CCDC148: variants seen among roughly 807,000 people sequenced by gnomAD.
CCDC148 encodes coiled-coil domain containing 148.
Under a neutral mutation model 85.7 loss-of-function variants are expected in CCDC148, and 89 were observed. That is an observed-to-expected ratio of 1.04 (90% confidence interval 0.87 to 1.24). The LOEUF is 1.24. CCDC148 is among the 50% of genes most tolerant of loss of function. The probability of loss-of-function intolerance (pLI) is 0.00; values close to 1 mark genes in which losing one functional copy is unlikely to be tolerated. For synonymous variants in CCDC148, 230 were observed against 213.9 expected, an observed-to-expected ratio of 1.08 and a Z score of -0.66; for missense variants, 692 against 671.7, an observed-to-expected ratio of 1.03 and a Z score of -0.33.
intron 11 of CCDC148, among the ~76,000 whole-genome samples, chr2:158,195,402 T>C (rs1339037193): frequency 3.9e-5 from 6 of 152,186 alleles, no homozygotes; most frequent in Non-Finnish European, 7.3e-5. Context: ...GCTTCAGTCA[T>C]ATACTTGGGA....
At chr2:158,203,297 A>T (rs1558978586) in intron 11 of CCDC148, among the ~76,000 whole-genome samples, 1 of 152,226 alleles carries the variant, frequency 6.6e-6, no homozygotes, top group Non-Finnish European at 1.5e-5. Flanking sequence ...TCTTATTTAA[A>T]TAAATGTATA....
chr2:158,435,723 A>T (rs1687615512), intron 1 of CCDC148, among the ~76,000 whole-genome samples: 1 of 152,232 alleles, frequency 6.6e-6, no homozygotes, highest in Non-Finnish European at 1.5e-5. Flanking sequence ...TGCTGTATTC[A>T]GGAGACCCAT....
chr2:158,322,070 C>T (rs756650910), intron 7 of CCDC148, among the ~76,000 whole-genome samples: 2 of 152,120 alleles, frequency 1.3e-5, no homozygotes, highest in Non-Finnish European at 2.9e-5. Context: ...ATTGTTTTTA[C>T]TTGTCTGGAA....
intron 7 of CCDC148, among the ~76,000 whole-genome samples, chr2:158,316,499 C>G (rs1214899935): frequency 6.6e-6 from 1 of 152,166 alleles, no homozygotes; most frequent in Non-Finnish European, 1.5e-5. Context: ...TTAGAAGCCT[C>G]ACATCCCAAC....
rs911717690 is a variant in CCDC148, at chr2:158,308,634, C to T, written c.1110+799G>A. On this transcript the variant is annotated intron_variant, in intron 9 of 13. Coordinates refer to ENST00000283233, the MANE Select transcript of CCDC148 (RefSeq NM_138803.4). ...ATCTTCCTACCATATCATTTATCAA[C>T]TTAAGATTTGTGCACTTCAAGTATG... 2.0e-5 allele frequency among the ~76,000 whole-genome samples: 3 copies of T among 152,160 alleles called. No homozygotes were observed. In the South Asian group the frequency reaches 6.2e-4, roughly 32 times the overall value.
At chr2:158,426,779 A>G (rs1190039996) in intron 1 of CCDC148, among the ~76,000 whole-genome samples, 2 of 152,124 alleles carry the variant, frequency 1.3e-5, no homozygotes. Flanking sequence ...TTCCAGTGAT[A>G]TTTGCACTTG....
At chr2:158,347,256 C>T (rs542587973) in intron 2 of CCDC148, among the ~76,000 whole-genome samples, 170 of 151,984 alleles carry the variant, frequency 1.1e-3, no homozygotes, top group Non-Finnish European at 2.0e-3. Flanking sequence ...TGGTGAAAGA[C>T]GGGGACACAT....
At chr2:158,190,513 C>T (rs1048492058) in intron 11 of CCDC148, among the ~76,000 whole-genome samples, 1 of 151,956 alleles carries the variant, frequency 6.6e-6, no homozygotes, top group Non-Finnish European at 1.5e-5. Context: ...CTTAGAGGCA[C>T]CTGTCACTTG....
chr2:158,228,125 AC>A (rs1339923910), intron 10 of CCDC148, among the ~76,000 whole-genome samples: 1 of 152,128 alleles, frequency 6.6e-6, no homozygotes, highest in Non-Finnish European at 1.5e-5. Context: ...AAAACAAACA[AC>A]CCCATCAAAA....
chr2:158,290,282 T>C (rs544739730), intron 9 of CCDC148, among the ~76,000 whole-genome samples: 1 of 152,262 alleles, frequency 6.6e-6, no homozygotes, highest in African/African-American at 2.4e-5. Flanking sequence ...TCAGGACACA[T>C]TGTCAGTATA....
chr2:158,319,158 A>G (rs1385707742), intron 7 of CCDC148, among the ~76,000 whole-genome samples: 1 of 152,172 alleles, frequency 6.6e-6, no homozygotes, highest in Non-Finnish European at 1.5e-5. Flanking sequence ...GTGTAAGGAA[A>G]AGAAAACTGT....
At chr2:158,443,172 AAAAC>A (rs963932708) in intron 1 of CCDC148, among the ~76,000 whole-genome samples, 3 of 152,070 alleles carry the variant, frequency 2.0e-5, no homozygotes, top group Non-Finnish European at 2.9e-5. Context: ...TGAACAAAAA[AAAAC>A]AAACAAAAAA....
chr2:158,340,569 C>T (rs1398367427), intron 4 of CCDC148, 29 bp downstream of exon 4: 1 of 1,511,384 alleles, frequency 6.6e-7, no homozygotes, highest in South Asian at 1.2e-5. Flanking sequence ...TAAAACTCCC[C>T]TTTAAATATA....
rs778787632 is a variant in CCDC148 at position 158,339,002 on chromosome 2, G to A, written c.570C>T (p.Asp190=). The A allele has an allele frequency of 6.2e-7, 1 of 1,613,106 alleles. No individual in the cohort carries two copies. ...EQQRIENDLS[D]WSIKILDHSL... ...ACATCACACTTACCTTTATACTCCA[G>A]TCTGAAAGATCATTTTCTATTCTCT... is the stretch of plus-strand genomic sequence containing the variant. Residue 190 remains aspartate (D), a synonymous_variant, in exon 6 of 14, where the codon GAC becomes GAT. Coordinates refer to ENST00000283233, the MANE Select transcript of CCDC148 (RefSeq NM_138803.4).
chr2:158,420,847 C>T lies in CCDC148; in HGVS notation c.25+35568G>A, dbSNP rs188176501. 1.5e-3 allele frequency among the ~76,000 whole-genome samples: 229 copies of T among 151,750 alleles called. 1 individual carries two copies. Among genetic ancestry groups the T allele is most frequent in the African/African-American group, 5.3e-3 (218 of 41,348 alleles). On this transcript the variant is annotated intron_variant, in intron 1 of 13. Coordinates refer to ENST00000283233, the MANE Select transcript of CCDC148 (RefSeq NM_138803.4). The stretch of plus-strand genomic sequence containing the variant: ...TGCTGTATTCAGGAGACCCATCTCA[C>T]GTGCACAGACAAACATAGGCTCAAA...
rs1374645807 is a variant in CCDC148 at position 158,178,863 on chromosome 2, T to C, written c.1488+16A>G. 6.3e-7 allele frequency: 1 copy of C among 1,579,246 alleles called. No individual in the cohort carries two copies. Among genetic ancestry groups the C allele is most frequent in the East Asian group, 2.2e-5 (1 of 44,660 alleles). ...TTTAAAAAAACCACCCATGAAAATT[T>C]CCAAATGAAAAACACCTGTTTCCTA... On this transcript the variant is annotated intron_variant, in intron 12 of 13. Transcript: ENST00000283233.
intron 1 of CCDC148, among the ~76,000 whole-genome samples, chr2:158,418,444 G>A (rs1050078232): frequency 6.6e-6 from 1 of 152,174 alleles, no homozygotes; most frequent in African/African-American, 2.4e-5. Context: ...GCTGGCCTCT[G>A]CCTCCTCTTC....
intron 7 of CCDC148, among the ~76,000 whole-genome samples, chr2:158,316,274 C>A (rs537960363): frequency 9.2e-5 from 14 of 152,294 alleles, no homozygotes; most frequent in Non-Finnish European, 1.9e-4. Context: ...ACACATTAAG[C>A]AGTGTACATT....
intron 11 of CCDC148, among the ~76,000 whole-genome samples, chr2:158,210,121 A>G (rs1686480824): frequency 6.6e-6 from 1 of 152,214 alleles, no homozygotes; most frequent in Non-Finnish European, 1.5e-5. Flanking sequence ...AGGAATATTT[A>G]CCAAGCAAAT....
Sources: allele counts gnomAD v4.1 joint callset (sites outside exome capture counted in the v4.1 genomes callset), GRCh38; gene constraint gnomAD v4.1.1; transcripts MANE v1.5; gene names NCBI Gene and HGNC (gene_info 2026-07-23, HGNC 2026-07-21).